The following ZNF138 variants were observed in gnomAD, a reference collection of about 807,000 sequenced individuals.
ZNF138 encodes zinc finger protein 138, also known as zinc finger protein 138 (clone pHZ-32).
Under a neutral mutation model 33.0 loss-of-function variants are expected in ZNF138, and 33 were observed. The observed-to-expected ratio is 1.00, with a 90% CI of 0.76 to 1.34. The LOEUF is 1.34. Ranked by LOEUF, ZNF138 falls within the 40% of genes most tolerant of loss-of-function variation. The pLI, the probability that ZNF138 is intolerant of heterozygous loss-of-function variation, is 0.00. For missense variants in ZNF138, 360 were observed against 370.8 expected (o/e 0.97, Z 0.24); for synonymous variants, 139 against 120.4 (o/e 1.15, Z -1.01).
chr7:64,807,452 TATATTC>T (rs1332924745), intron 1 of ZNF138, among the ~76,000 whole-genome samples: 1 of 152,232 alleles, frequency 6.6e-6, no homozygotes, highest in African/African-American at 2.4e-5. Context: ...ACTGTCTACT[TATATTC>T]ATGTTGCCTC....
intron 1 of ZNF138, among the ~76,000 whole-genome samples, chr7:64,799,744 A>G (rs1388665605): frequency 1.1e-4 from 16 of 151,982 alleles, no homozygotes; most frequent in Non-Finnish European, 2.4e-4. Flanking sequence ...CCCGGGTTCA[A>G]ACGATTCTCC....
chr7:64,838,169 G>A (rs541533868), downstream of ZNF138, among the ~76,000 whole-genome samples: 28 of 152,284 alleles, frequency 1.8e-4, no homozygotes, highest in African/African-American at 5.8e-4. Flanking sequence ...CTCTTCAGTC[G>A]TCATCCAGTT....
intron 1 of ZNF138, among the ~76,000 whole-genome samples, chr7:64,801,525 G>A (rs1583777891): frequency 6.6e-6 from 1 of 152,280 alleles, no homozygotes; most frequent in Admixed American, 6.5e-5. Context: ...GTCTGAGTAT[G>A]TGGTTGGTAT....
intron 1 of ZNF138, among the ~76,000 whole-genome samples, chr7:64,804,226 A>T (rs1787389252): frequency 6.6e-6 from 1 of 152,176 alleles, no homozygotes; most frequent in Admixed American, 6.5e-5. Flanking sequence ...CCCCTGACCT[A>T]ATTGGCTATG....
intron 1 of ZNF138, among the ~76,000 whole-genome samples, chr7:64,812,898 G>A (rs1788294325): frequency 7.1e-6 from 1 of 140,058 alleles, no homozygotes; most frequent in Admixed American, 7.6e-5. Context: ...CGAGAACTGT[G>A]TCCACTCTTC....
chr7:64,804,858 C>T (rs1193695335), intron 1 of ZNF138, among the ~76,000 whole-genome samples: 3 of 152,148 alleles, frequency 2.0e-5, no homozygotes, highest in Non-Finnish European at 4.4e-5. Flanking sequence ...GAGATGAGAG[C>T]GGCAGAGATG....
chr7:64,840,766 C>G, the ZNF138 span, among the ~76,000 whole-genome samples: 4 of 152,086 alleles, frequency 2.6e-5, no homozygotes, highest in Non-Finnish European at 5.9e-5. Context: ...TTTGGTCTCT[C>G]TCTGCCTGCA....
chr7:64,817,737 G>A (rs1182439913), intron 3 of ZNF138, among the ~76,000 whole-genome samples: 2 of 151,902 alleles, frequency 1.3e-5, no homozygotes, highest in Admixed American at 6.6e-5. Flanking sequence ...CCATTTTACC[G>A]ATATAACTCT....
intron 3 of ZNF138, among the ~76,000 whole-genome samples, chr7:64,816,745 A>C (rs943820651): frequency 6.6e-6 from 1 of 152,160 alleles, no homozygotes; most frequent in Non-Finnish European, 1.5e-5. Context: ...GACACAATAT[A>C]GTTTTGCATT....
chr7:64,848,774 T>C, the ZNF138 span, among the ~76,000 whole-genome samples: 1 of 148,368 alleles, frequency 6.7e-6, no homozygotes, highest in Non-Finnish European at 1.5e-5. Context: ...GCATGATCTC[T>C]GCGCACTGCA....
At chr7:64,827,401 C>T (rs1193559712) in intron 3 of ZNF138, among the ~76,000 whole-genome samples, 5 of 151,972 alleles carry the variant, frequency 3.3e-5, no homozygotes, top group Non-Finnish European at 1.5e-5. Flanking sequence ...CCCGCCACCA[C>T]GCCTGGCTAA....
At chr7:64,801,326 GC>G (rs1159001939) in intron 1 of ZNF138, among the ~76,000 whole-genome samples, 3 of 152,070 alleles carry the variant, frequency 2.0e-5, no homozygotes, top group Non-Finnish European at 2.9e-5. Context: ...TGTTAGCACT[GC>G]ATTAGCTGTG....
At chr7:64,802,313 A>G (rs1178870465) in intron 1 of ZNF138, among the ~76,000 whole-genome samples, 1 of 152,196 alleles carries the variant, frequency 6.6e-6, no homozygotes, top group Non-Finnish European at 1.5e-5. Flanking sequence ...CAGACTTCAG[A>G]GACAGCAGGT....
At chr7:64,807,932 G>C (rs968915933) in intron 1 of ZNF138, among the ~76,000 whole-genome samples, 1 of 152,204 alleles carries the variant, frequency 6.6e-6, no homozygotes, top group African/African-American at 2.4e-5. Flanking sequence ...TGATACTGGA[G>C]TAGAGTATTC....
At chr7:64,825,303 G>A (rs1423305575) in intron 3 of ZNF138, among the ~76,000 whole-genome samples, 1 of 150,262 alleles carries the variant, frequency 6.7e-6, no homozygotes, top group Non-Finnish European at 1.5e-5. Flanking sequence ...CTCCCAAGTA[G>A]CTGGGACTAC....
At chr7:64,815,522 C>A (rs778496160) in intron 2 of ZNF138, 54 bp from the exon 3 acceptor site, 2 of 1,521,460 alleles carry the variant, frequency 1.3e-6, no homozygotes, top group Non-Finnish European at 9.0e-7. Flanking sequence ...AGAATATGAG[C>A]CAGAGTCATG....
At chr7:64,823,588 G>C (rs1344597682) in intron 3 of ZNF138, among the ~76,000 whole-genome samples, 1 of 152,078 alleles carries the variant, frequency 6.6e-6, no homozygotes, top group Non-Finnish European at 1.5e-5. Context: ...TCCCACCTTG[G>C]TCCCCCAAAG....
intron 3 of ZNF138, chr7:64,830,957 G>A (rs991300026): frequency 2.6e-6 from 4 of 1,551,176 alleles, no homozygotes; most frequent in Non-Finnish European, 3.5e-6. Context: ...ATTTACCTTT[G>A]ATCTCAGTGG....
intron 2 of ZNF138, 50 bp from the exon 3 acceptor site, chr7:64,815,526 A>G: frequency 6.5e-7 from 1 of 1,536,186 alleles, no homozygotes. Flanking sequence ...TATGAGCCAG[A>G]GTCATGTTAC....
Sources: gnomAD v4.1 joint callset for allele counts (sites outside exome capture counted in the v4.1 genomes callset) on GRCh38, gnomAD v4.1.1 for gene constraint, MANE v1.5 for transcripts, NCBI Gene and HGNC (gene_info 2026-07-23, HGNC 2026-07-21) for gene names.